Variants in ATP2A2 observed in about 807,000 individuals in gnomAD.
The protein encoded by ATP2A2 is sarcoplasmic/endoplasmic reticulum calcium ATPase 2.
ATP2A2 carries 14 observed loss-of-function variants against 109.3 expected under a neutral mutation model. The observed-to-expected ratio is 0.13, with a 90% confidence interval of 0.08 to 0.20. The LOEUF is 0.20. ATP2A2 is among the 10% of genes least tolerant of loss of function. The pLI is 1.00. For missense variants in ATP2A2, 657 were observed against 1,321.6 expected (o/e 0.50, Z 7.80); for synonymous variants, 506 against 490.9 (o/e 1.03, Z -0.41).
intron 5 of ATP2A2, among the ~76,000 whole-genome samples, chr12:110,315,410 A>C (rs1451868890): frequency 6.6e-6 from 1 of 152,208 alleles, no homozygotes; most frequent in East Asian, 1.9e-4. Flanking sequence ...TCAGTTCATT[A>C]TAAAATATTC....
chr12:110,316,280 C>G (rs993859838), intron 5 of ATP2A2, among the ~76,000 whole-genome samples: 17 of 152,140 alleles, frequency 1.1e-4, no homozygotes, highest in African/African-American at 3.9e-4. Flanking sequence ...AATTACTCTA[C>G]CAGCTAAAAC....
intron 11 of ATP2A2, among the ~76,000 whole-genome samples, chr12:110,334,706 G>C (rs985025065): frequency 1.3e-5 from 2 of 148,880 alleles, no homozygotes; most frequent in African/African-American, 5.0e-5. Context: ...TCCTGCCTTA[G>C]CCTCCCTAGT....
chr12:110,291,183 C>G (rs1341369066), intron 3 of ATP2A2, among the ~76,000 whole-genome samples: 1 of 151,390 alleles, frequency 6.6e-6, no homozygotes, highest in Non-Finnish European at 1.5e-5. Flanking sequence ...GCTGGAATTA[C>G]AGGCGTGAGC....
chr12:110,289,429 A>G (rs904067631), intron 3 of ATP2A2, among the ~76,000 whole-genome samples: 2 of 152,152 alleles, frequency 1.3e-5, no homozygotes. Flanking sequence ...TGGCCTTAAC[A>G]CTAGAATGCC....
At chr12:110,302,959 C>T (rs568583224) in intron 5 of ATP2A2, among the ~76,000 whole-genome samples, 2 of 152,140 alleles carry the variant, frequency 1.3e-5, no homozygotes, top group African/African-American at 2.4e-5. Context: ...TGCTTGCTTT[C>T]GTCTTAAATT....
intron 11 of ATP2A2, among the ~76,000 whole-genome samples, chr12:110,335,664 G>T (rs1187841275): frequency 6.6e-6 from 1 of 152,252 alleles, no homozygotes; most frequent in East Asian, 1.9e-4. Context: ...AGTCGGTCAC[G>T]TGGGTGCCAA....
chr12:110,344,479 A>G (rs1879652874), intron 16 of ATP2A2, among the ~76,000 whole-genome samples: 1 of 152,182 alleles, frequency 6.6e-6, no homozygotes, highest in South Asian at 2.1e-4. Flanking sequence ...GTGTACAACT[A>G]GGCAGCAATA....
At chr12:110,288,248 C>G (rs965121149) in intron 3 of ATP2A2, among the ~76,000 whole-genome samples, 2 of 151,574 alleles carry the variant, frequency 1.3e-5, no homozygotes, top group Non-Finnish European at 2.9e-5. Flanking sequence ...CAGGCATGCC[C>G]TGCCATGCCC....
Position 110,347,880 on chromosome 12 carries a change from C to T in ATP2A2, c.*1410C>T, listed in dbSNP as rs1880029684. On this transcript the variant is annotated 3_prime_UTR_variant, in exon 20 of 20. Transcript: ENST00000539276. ...AACTGTATGTCACTAACTTATAAGC[C>T]GCCTCCATGGCAGATGCTGCTGTGC... The T allele has an allele frequency of 9.0e-6, 9 of 999,224 alleles. No individual in the cohort carries two copies. Among genetic ancestry groups the T allele is most frequent in the Non-Finnish European group, 1.1e-5 (9 of 838,348 alleles). The allele number at this position is 999,224 out of a possible 1,614,324, so 61.9% of individuals were successfully genotyped here. A position where few individuals can be genotyped will look rare whatever the true frequency, so the allele number is the denominator to read the frequency against.
chr12:110,286,686 A>T (rs1872695318), intron 3 of ATP2A2, among the ~76,000 whole-genome samples: 1 of 149,504 alleles, frequency 6.7e-6, no homozygotes. Flanking sequence ...TTTAATTTCC[A>T]TTTCCTCTTT....
At chr12:110,313,020 T>C (rs1336163444) in intron 5 of ATP2A2, among the ~76,000 whole-genome samples, 3 of 152,108 alleles carry the variant, frequency 2.0e-5, no homozygotes, top group Non-Finnish European at 4.4e-5. Context: ...TAGAGAGTTT[T>C]TGAGTTTGAG....
chr12:110,297,485 G>C (rs1409684682), intron 5 of ATP2A2, among the ~76,000 whole-genome samples: 1 of 151,116 alleles, frequency 6.6e-6, no homozygotes, highest in East Asian at 1.9e-4. Context: ...GTGTTACACT[G>C]AGCCAGGAGT....
chr12:110,300,511 C>G (rs1156284633), intron 5 of ATP2A2, among the ~76,000 whole-genome samples: 1 of 151,578 alleles, frequency 6.6e-6, no homozygotes, highest in Non-Finnish European at 1.5e-5. Flanking sequence ...CCCACCAACA[C>G]TCCCAGCTAA....
chr12:110,302,028 C>G lies in ATP2A2; in HGVS notation c.463+5291C>G, dbSNP rs138266326. Among the ~76,000 whole-genome samples the G allele has an allele frequency of 2.2e-3, 328 of 152,236 alleles. 4 individuals are homozygous for G. Among genetic ancestry groups the G allele is most frequent in the East Asian group, 1.3e-3 (7 of 5,192 alleles). ...ATATTGTAATATAGTTTTGTTGTTG[C>G]ATTTGATAGTTTAGAAAGGACAAAT... On this transcript the variant is annotated intron_variant, in intron 5 of 19. Coordinates refer to ENST00000539276, the MANE Select transcript of ATP2A2 (RefSeq NM_170665.4).
chr12:110,312,849 CAAAAAAA>C (rs34180879), intron 5 of ATP2A2, among the ~76,000 whole-genome samples: 5 of 66,190 alleles, frequency 7.6e-5, no homozygotes, highest in Middle Eastern at 9.4e-3. Context: ...GACTCTGTTG[CAAAAAAA>C]AAAAAAAAAG....
At chr12:110,300,041 C>T (rs1874395687) in intron 5 of ATP2A2, among the ~76,000 whole-genome samples, 1 of 151,506 alleles carries the variant, frequency 6.6e-6, no homozygotes, top group Non-Finnish European at 1.5e-5. Flanking sequence ...CAGGAGTGAG[C>T]CACCACGCAC....
chr12:110,344,670 G>A (rs1293320777), intron 16 of ATP2A2, among the ~76,000 whole-genome samples: 1 of 152,218 alleles, frequency 6.6e-6, no homozygotes, highest in East Asian at 1.9e-4. Flanking sequence ...AAGTTATCCA[G>A]TTCTTCTGTT....
chr12:110,332,087 G>A (rs948564396), intron 8 of ATP2A2: 2 of 186,648 alleles, frequency 1.1e-5, no homozygotes, highest in Non-Finnish European at 2.3e-5. Flanking sequence ...CAGAGAAGCA[G>A]TTTGTCTTAT....
chr12:110,342,840 C>T lies in ATP2A2; in HGVS notation c.2318+392C>T, dbSNP rs1566240553. Among the ~76,000 whole-genome samples the T allele has an allele frequency of 6.6e-6, 1 of 152,172 alleles. No individual in the cohort carries two copies. The highest frequency in any genetic ancestry group is 1.5e-5 in the Non-Finnish European group (1 of 68,038). ...GCACGATCTCAGCTCACTGTCCCCT[C>T]CACCTCCTGGGTTCAAGCCTCCCGA... is the stretch of plus-strand genomic sequence containing the variant. On this transcript the variant is annotated intron_variant, in intron 15 of 19. Transcript: ENST00000539276. This position sits in a 1 kb window ranked among gnomAD's most constrained non-coding sequence, Gnocchi z 4.6.
Sources: allele counts gnomAD v4.1 joint callset (sites outside exome capture counted in the v4.1 genomes callset), GRCh38; gene constraint gnomAD v4.1.1; non-coding constraint Gnocchi (gnomAD v3.1); transcripts MANE v1.5; gene names NCBI Gene and HGNC (gene_info 2026-07-23, HGNC 2026-07-21).